ADRA1A: variants seen among roughly 807,000 people sequenced by gnomAD.
ADRA1A encodes the protein alpha-1A adrenergic receptor.
In ADRA1A, 31 loss-of-function variants were observed where a neutral mutation model predicts 29.6. The observed-to-expected ratio is 1.05, with a 90% CI of 0.79 to 1.41. ADRA1A has a LOEUF of 1.41. ADRA1A is among the 40% of genes most tolerant of loss of function. The pLI is 0.00. For missense variants in ADRA1A, 619 were observed against 601.1 expected (o/e 1.03, Z -0.31); for synonymous variants, 311 against 254.3 (o/e 1.22, Z -2.12).
chr8:26,799,375 T>C (rs1808410868), intron 2 of ADRA1A, among the ~76,000 whole-genome samples: 2 of 152,286 alleles, frequency 1.3e-5, no homozygotes, highest in South Asian at 4.1e-4. Context: ...CCAGGGAAAC[T>C]GAGATGGGTG....
At chr8:26,861,959 T>C (rs1047389817) in intron 2 of ADRA1A, among the ~76,000 whole-genome samples, 15 of 151,216 alleles carry the variant, frequency 9.9e-5, no homozygotes, top group African/African-American at 3.4e-4. Context: ...CAGCCAATTT[T>C]CCCCCCAACA....
At chr8:26,766,016 T>C (rs562736222), downstream of ADRA1A, 2 of 1,612,252 alleles carry the variant, frequency 1.2e-6, no homozygotes, top group East Asian at 4.5e-5. Flanking sequence ...TGACTCCTCA[T>C]TTGCAGACTG....
chr8:26,769,813 T>G lies in ADRA1A; in HGVS notation c.*336A>C, dbSNP rs1418864592. 1.9e-6 allele frequency: 2 copies of G among 1,036,390 alleles called. No individual in the cohort carries two copies. The highest frequency in any genetic ancestry group is 2.3e-6 in the Non-Finnish European group (2 of 864,076). The allele number at this position is 1,036,390 out of a possible 1,614,324, so 64.2% of individuals were successfully genotyped here. ...GAGTGTGTGCTCAAAATATTCATGA[T>G]GAAATCATAATCCTATATTTATAGT... On this transcript the variant is annotated 3_prime_UTR_variant, in exon 3 of 3. Coordinates refer to ENST00000380573, the MANE Select transcript of ADRA1A (RefSeq NM_000680.4).
At chr8:26,852,029 A>G (rs1206088826) in intron 2 of ADRA1A, among the ~76,000 whole-genome samples, 1 of 152,192 alleles carries the variant, frequency 6.6e-6, no homozygotes, top group African/African-American at 2.4e-5. Flanking sequence ...AAAATTATTG[A>G]GCTCACACTC....
chr8:26,756,548 G>T (rs1338093529), exon 3 of ADRA1A: 1 of 1,544,034 alleles, frequency 6.5e-7, no homozygotes, highest in Non-Finnish European at 8.7e-7. Flanking sequence ...CATTCCTTAA[G>T]TTACTGTTTT....
intron 2 of ADRA1A, among the ~76,000 whole-genome samples, chr8:26,781,028 T>A (rs886097805): frequency 1.3e-5 from 2 of 152,212 alleles, no homozygotes; most frequent in East Asian, 3.8e-4. Flanking sequence ...GCACAATAAA[T>A]GCAATGCGCT....
At chr8:26,819,250 A>G (rs1809983112) in intron 2 of ADRA1A, among the ~76,000 whole-genome samples, 1 of 152,188 alleles carries the variant, frequency 6.6e-6, no homozygotes, top group African/African-American at 2.4e-5. Context: ...TCCCAGAGAA[A>G]CAAAAGCTGT....
At chr8:26,809,667 A>T (rs1184169855) in intron 2 of ADRA1A, among the ~76,000 whole-genome samples, 1 of 152,248 alleles carries the variant, frequency 6.6e-6, no homozygotes, top group African/African-American at 2.4e-5. Flanking sequence ...AATTAAATAA[A>T]CATGTATTAA....
intron 2 of ADRA1A, among the ~76,000 whole-genome samples, chr8:26,839,461 A>T (rs1424154728): frequency 6.6e-6 from 1 of 151,988 alleles, no homozygotes; most frequent in Non-Finnish European, 1.5e-5. Context: ...CCCGGCCTGA[A>T]GAAGTTTTTT....
intron 2 of ADRA1A, among the ~76,000 whole-genome samples, chr8:26,798,920 C>T (rs1352455975): frequency 1.3e-5 from 2 of 152,020 alleles, no homozygotes; most frequent in Admixed American, 1.3e-4. Flanking sequence ...TTTCTTTTTT[C>T]TCTCTCTGCC....
At position 26,851,955 on chromosome 8, in the gene ADRA1A, T is replaced by C. The variant is rs532341065; in HGVS notation, c.883+12132A>G. ...ATATATACACTAAAGATTAAATCTA[T>C]TGTGTATTAATTATTGATTACATAT... On this transcript the variant is annotated intron_variant, in intron 2 of 2. Transcript: ENST00000380573. 1.2e-4 allele frequency among the ~76,000 whole-genome samples: 19 copies of C among 152,310 alleles called. No individual in the cohort carries two copies. In the South Asian group the frequency reaches 3.9e-3, roughly 32 times the overall value.
Position 26,770,600 on chromosome 8 carries a change from A to C in ADRA1A, c.950T>G (p.Leu317Arg). ...TATGATGGGGTTGATGCAGCTGTTTAGATATCCGAGCCAAAATACTATTTT... is the reference window on the plus strand; with the variant it reads ...TATGATGGGGTTGATGCAGCTGTTTCGATATCCGAGCCAAAATACTATTTT... ...VFKIVFWLGY[L>R]NSCINPIIYP... The change falls in exon 3 of 3, where the codon CTA becomes CGA. Residue 317 changes from leucine to arginine, a missense_variant. Transcript: ENST00000380573. 6.2e-7 allele frequency: 1 copy of C among 1,614,240 alleles called. No individual in the cohort carries two copies. The highest frequency in any genetic ancestry group is 8.5e-7 in the Non-Finnish European group (1 of 1,180,050).
In ADRA1A at chr8:26,866,882, G is replaced by T; in HGVS notation, c.-687+54C>A. 2 of 985,500 alleles carry T rather than the reference G, an allele frequency of 2.0e-6. No individual in the cohort carries two copies. The highest frequency in any genetic ancestry group is 2.4e-6 in the Non-Finnish European group (2 of 830,046). 61.0% of individuals were successfully genotyped at this position (985,500 alleles called of 1,614,324 possible). A position where few individuals can be genotyped will look rare whatever the true frequency, so the allele number is the denominator to read the frequency against. On this transcript the variant is annotated intron_variant, in intron 1 of 2. Transcript: ENST00000380573. This position sits in a 1 kb window ranked among gnomAD's most constrained non-coding sequence, Gnocchi z 5.7. ...GGTTCCGTCTCACCAGACGGCGGGGGAGGTCTGCCCTCACCCACTCGGCCC... is the reference window on the plus strand; with the variant it reads ...GGTTCCGTCTCACCAGACGGCGGGGTAGGTCTGCCCTCACCCACTCGGCCC...
intron 2 of ADRA1A, among the ~76,000 whole-genome samples, chr8:26,817,845 C>G (rs1446035422): frequency 6.6e-6 from 1 of 151,934 alleles, no homozygotes; most frequent in Non-Finnish European, 1.5e-5. Context: ...TGATGTTAAC[C>G]CAAGTTAAAT....
At chr8:26,828,298 G>A (rs190099287) in intron 2 of ADRA1A, among the ~76,000 whole-genome samples, 1 of 151,452 alleles carries the variant, frequency 6.6e-6, no homozygotes, top group Admixed American at 6.6e-5. Flanking sequence ...TTTTTCTTTT[G>A]TCGAGAATAA....
At chr8:26,803,902 A>C (rs1563265305) in intron 2 of ADRA1A, among the ~76,000 whole-genome samples, 1 of 150,034 alleles carries the variant, frequency 6.7e-6, no homozygotes, top group African/African-American at 2.5e-5. Flanking sequence ...TCTGCAAAAG[A>C]ATATTTTGGA....
At chr8:26,790,874 C>T (rs1563255461) in intron 2 of ADRA1A, among the ~76,000 whole-genome samples, 1 of 152,114 alleles carries the variant, frequency 6.6e-6, no homozygotes, top group African/African-American at 2.4e-5. Context: ...GTCATAGCAA[C>T]CATGTTTAAA....
At chr8:26,822,757 G>A (rs1316763895) in intron 2 of ADRA1A, among the ~76,000 whole-genome samples, 1 of 152,192 alleles carries the variant, frequency 6.6e-6, no homozygotes, top group Non-Finnish European at 1.5e-5. Flanking sequence ...TGGTTCTGCA[G>A]GCCATGCAGG....
intron 2 of ADRA1A, among the ~76,000 whole-genome samples, chr8:26,852,324 C>G (rs964367388): frequency 6.6e-6 from 1 of 151,978 alleles, no homozygotes; most frequent in Non-Finnish European, 1.5e-5. Flanking sequence ...ACTAAACATT[C>G]TGGGTAAGCT....
Sources: gnomAD v4.1 joint callset for allele counts (sites outside exome capture counted in the v4.1 genomes callset) on GRCh38, gnomAD v4.1.1 for gene constraint, Gnocchi (gnomAD v3.1) non-coding constraint, MANE v1.5 for transcripts, NCBI Gene and HGNC (gene_info 2026-07-23, HGNC 2026-07-21) for gene names.